The following SLC4A8 variants were observed in gnomAD, a reference collection of about 807,000 sequenced individuals.
SLC4A8 encodes electroneutral sodium bicarbonate exchanger 1.
Under a neutral mutation model 125.0 loss-of-function variants are expected in SLC4A8, and 40 were observed. That is an observed-to-expected ratio of 0.32 (90% CI 0.25 to 0.42). The LOEUF (loss-of-function observed/expected upper bound fraction) is 0.42, where lower values mean the gene tolerates loss of function less well. SLC4A8 is among the 10% of genes least tolerant of loss of function. The pLI, the probability that SLC4A8 is intolerant of heterozygous loss-of-function variation, is 1.00. For missense variants in SLC4A8, 863 were observed against 1,355.1 expected, an observed-to-expected ratio of 0.64 and a Z score of 5.70; for synonymous variants, 456 against 476.0, an observed-to-expected ratio of 0.96 and a Z score of 0.55.
At chr12:51,404,638 C>T (rs1948454180) in intron 1 of SLC4A8, among the ~76,000 whole-genome samples, 1 of 152,260 alleles carries the variant, frequency 6.6e-6, no homozygotes, top group South Asian at 2.1e-4. Flanking sequence ...ATCATCTTTG[C>T]TATTACATGA....
chr12:51,487,399 T>C (rs1408453582), intron 17 of SLC4A8, among the ~76,000 whole-genome samples: 2 of 152,210 alleles, frequency 1.3e-5, no homozygotes, highest in African/African-American at 4.8e-5. Context: ...ATAGATTCTG[T>C]AAACTTTTAG....
intron 19 of SLC4A8, among the ~76,000 whole-genome samples, chr12:51,491,778 C>CACACA: frequency 6.6e-6 from 1 of 150,376 alleles, no homozygotes; most frequent in Non-Finnish European, 1.5e-5. Context: ...CACACACACA[C>CACACA]CCCTCTTTAA....
intron 1 of SLC4A8, among the ~76,000 whole-genome samples, chr12:51,413,197 G>A (rs139420615): frequency 2.3e-3 from 343 of 152,142 alleles, no homozygotes; most frequent in African/African-American, 7.6e-3. Context: ...TCATATACCT[G>A]TTGGCCATTT....
intron 1 of SLC4A8, among the ~76,000 whole-genome samples, chr12:51,417,352 T>TC (rs1269112311): frequency 6.8e-6 from 1 of 147,870 alleles, no homozygotes; most frequent in African/African-American, 2.5e-5. Context: ...GTTTTTGAAT[T>TC]TTTTTTTTTT....
chr12:51,461,320 A>G lies in SLC4A8; in HGVS notation c.1101+29A>G, dbSNP rs772640393. ...TGTGCAACTTTTGCTTCAGTCTTCC[A>G]TCTCATAAATATTTATTGAATATTT... is the stretch of plus-strand genomic sequence containing the variant. On this transcript the variant is annotated intron_variant, in intron 9 of 24. Transcript: ENST00000453097. The G allele has an allele frequency of 3.3e-6, 4 of 1,227,446 alleles. No homozygotes were observed. The South Asian group carries it at 3.6e-5, about 11-fold the overall frequency. The allele number at this position is 1,227,446 out of a possible 1,614,324, so 76.0% of individuals were successfully genotyped here. A position where few individuals can be genotyped will look rare whatever the true frequency, so the allele number is the denominator to read the frequency against.
intron 2 of SLC4A8, among the ~76,000 whole-genome samples, chr12:51,448,235 C>T (rs575834783): frequency 1.3e-5 from 2 of 152,078 alleles, no homozygotes; most frequent in Non-Finnish European, 2.9e-5. Flanking sequence ...ATGTGAGAGG[C>T]AGGAAGGGGC....
At chr12:51,468,481 C>T (rs893578570) in intron 11 of SLC4A8, among the ~76,000 whole-genome samples, 6 of 152,136 alleles carry the variant, frequency 3.9e-5, no homozygotes, top group African/African-American at 1.2e-4. Flanking sequence ...CATTTCTGGC[C>T]GGGTGTGGTG....
intron 10 of SLC4A8, 52 bp downstream of exon 10, chr12:51,462,508 C>CAAAGCAGA (rs757681095): frequency 1.4e-6 from 2 of 1,463,770 alleles, no homozygotes; most frequent in South Asian, 2.8e-5. Flanking sequence ...TGACTGCCCA[C>CAAAGCAGA]CATGGACAAA....
chr12:51,415,533 G>A (rs1948671444), intron 1 of SLC4A8, among the ~76,000 whole-genome samples: 2 of 152,004 alleles, frequency 1.3e-5, no homozygotes, highest in Non-Finnish European at 2.9e-5. Flanking sequence ...CTTTACTTAT[G>A]TTTTGTCTTG....
At chr12:51,450,499 C>T (rs1358629480) in intron 2 of SLC4A8, 1 of 179,134 alleles carries the variant, frequency 5.6e-6, no homozygotes, top group Non-Finnish European at 1.2e-5. Flanking sequence ...TAAACTGCCT[C>T]CCTGCCAAGA....
chr12:51,438,600 A>G (rs1949493784), intron 1 of SLC4A8, among the ~76,000 whole-genome samples: 1 of 152,188 alleles, frequency 6.6e-6, no homozygotes, highest in African/African-American at 2.4e-5. Context: ...GGGGATGCAG[A>G]TGTCTCTTTA....
intron 10 of SLC4A8, among the ~76,000 whole-genome samples, chr12:51,463,400 G>T (rs568371265): frequency 1.4e-4 from 20 of 147,148 alleles, no homozygotes; most frequent in African/African-American, 4.9e-4. Flanking sequence ...AACAGGAAGA[G>T]AAATTATGGG....
Position 51,514,233 on chromosome 12 carries a change from C to T in SLC4A8, c.*6795C>T, listed in dbSNP as rs894947382. 6.6e-6 allele frequency: 1 copy of T among 152,608 alleles called. No homozygotes were observed. The highest frequency in any genetic ancestry group is 1.9e-4 in the East Asian group (1 of 5,194). 9.5% of individuals were successfully genotyped at this position (152,608 alleles called of 1,614,324 possible). On this transcript the variant is annotated 3_prime_UTR_variant, in exon 25 of 25. Transcript: ENST00000453097. ...ATTTTCCTTGAACTTCTCAGGTTTC[C>T]AAGCCACATCCTAGCAGGGCATCCA...
intron 1 of SLC4A8, among the ~76,000 whole-genome samples, chr12:51,404,514 T>G (rs998279276): frequency 1.3e-5 from 2 of 152,078 alleles, no homozygotes; most frequent in African/African-American, 4.8e-5. Context: ...CTGAGACATT[T>G]CTTAGGGCAA....
upstream of SLC4A8, chr12:51,424,753 G>T: frequency 1.4e-5 from 7 of 483,136 alleles, no homozygotes; most frequent in Non-Finnish European, 2.6e-5. Context: ...CCAGGGTACC[G>T]CCGGACAGCG....
chr12:51,443,865 A>C (rs1244760839), intron 2 of SLC4A8, among the ~76,000 whole-genome samples: 3 of 152,174 alleles, frequency 2.0e-5, no homozygotes, highest in Non-Finnish European at 4.4e-5. Context: ...TAGTAGGCCC[A>C]ATCTCCATCT....
At chr12:51,466,093 C>T (rs970129227) in intron 11 of SLC4A8, among the ~76,000 whole-genome samples, 12 of 152,062 alleles carry the variant, frequency 7.9e-5, no homozygotes, top group African/African-American at 2.9e-4. Flanking sequence ...GAAGTAGACT[C>T]TAAGAAGATG....
intron 1 of SLC4A8, among the ~76,000 whole-genome samples, chr12:51,438,979 G>GCT (rs1426600780): frequency 6.6e-6 from 1 of 152,178 alleles, no homozygotes; most frequent in African/African-American, 2.4e-5. Flanking sequence ...ACTGTTATGT[G>GCT]AAAAGTCTGT....
rs1419869295 is a variant in SLC4A8, at chr12:51,458,627, C to A, written c.832C>A (p.His278Asn). ...AGTAAAAAATGGAGTGAATTGTGAA[C>A]ATAGTCCTGTGGATTTAAGCAAGGT... ...LEVKNGVNCE[H>N]SPVDLSKVDL... Residue 278 changes from histidine to asparagine, a missense_variant, in exon 7 of 25, where the codon CAT (histidine) becomes AAT (asparagine). Around this residue, in one of 6 missense-constraint regions of SLC4A8, gnomAD observed 390 missense variants for 634.4 expected, o/e 0.61. Coordinates refer to ENST00000453097, the MANE Select transcript of SLC4A8 (RefSeq NM_001039960.3). 1.9e-6 allele frequency: 3 copies of A among 1,613,496 alleles called. No homozygotes were observed. The highest frequency in any genetic ancestry group is 2.5e-6 in the Non-Finnish European group (3 of 1,179,426).
Sources: allele counts gnomAD v4.1 joint callset (sites outside exome capture counted in the v4.1 genomes callset), GRCh38; gene constraint gnomAD v4.1.1; regional missense constraint gnomAD v4.1.1; transcripts MANE v1.5; gene names NCBI Gene and HGNC (gene_info 2026-07-23, HGNC 2026-07-21).